The following SRPX2 variants were observed in gnomAD, a reference collection of about 807,000 sequenced individuals.
SRPX2 encodes the protein sushi repeat-containing protein SRPX2.
Under a neutral mutation model 45.3 loss-of-function variants are expected in SRPX2, and 26 were observed. The observed-to-expected ratio is 0.57, with a 90% confidence interval of 0.42 to 0.80. SRPX2 has a LOEUF of 0.80. Among genes scored for constraint, SRPX2 ranks in the 30% least tolerant of loss-of-function variants. The probability of loss-of-function intolerance (pLI) is 0.00; values close to 1 mark genes in which losing one functional copy is unlikely to be tolerated. For missense variants in SRPX2, 355 were observed against 399.8 expected (o/e 0.89, Z 0.95); for synonymous variants, 125 against 143.7 (o/e 0.87, Z 0.93).
In SRPX2 at chrX:100,674,123, T is replaced by G. The variant is rs1344561995; in HGVS notation, c.*3136T>G. ...ATTGAAGGATCCAGAAAGAAGTGCT[T>G]ATAGCAGGGAATGTCTCCCCTCACC... On this transcript the variant is annotated 3_prime_UTR_variant, in exon 11 of 11. Coordinates refer to ENST00000373004, the MANE Select transcript of SRPX2 (RefSeq NM_014467.3). 8.1e-5 allele frequency: 9 copies of G among 111,313 alleles called. No individual in the cohort carries two copies. Among genetic ancestry groups the G allele is most frequent in the Non-Finnish European group, 1.7e-4 (9 of 53,055 alleles). 9.2% of individuals were successfully genotyped at this position (111,313 alleles called of 1,213,427 possible).
At chrX:100,655,557 A>G (rs963728098) in intron 3 of SRPX2, among the ~76,000 whole-genome samples, 1 of 111,557 alleles carries the variant, frequency 9.0e-6, no homozygotes, top group Non-Finnish European at 1.9e-5. Context: ...AGTGGCAGAC[A>G]CTGCAATTAC....
intron 3 of SRPX2, among the ~76,000 whole-genome samples, chrX:100,659,189 T>C (rs2083179243): frequency 8.9e-6 from 1 of 112,125 alleles, no homozygotes. Context: ...TGTTTAAATA[T>C]TCTAGAACAC....
rs2083205433 is a variant in SRPX2, at chrX:100,666,682, C to G, written c.782-72C>G. ...AAGTCTTCTGATCTAGAAAGCCCAG[C>G]ATGGGCACCCTCTTAGCCTTTCCTT... On this transcript the variant is annotated intron_variant, in intron 7 of 10. Transcript: ENST00000373004. 10 of 1,180,281 alleles carry G rather than the reference C, an allele frequency of 8.5e-6. No homozygotes were observed. In the South Asian group the frequency reaches 1.8e-4, roughly 21 times the overall value.
intron 3 of SRPX2, among the ~76,000 whole-genome samples, chrX:100,659,298 G>A (rs17329105): frequency 0.085 from 9,469 of 111,669 alleles, 466 homozygotes; most frequent in East Asian, 0.26. Flanking sequence ...GCCTTTCAAC[G>A]TTTTTGTCTT....
chrX:100,650,329 TGAGGAC>T, intron 2 of SRPX2: 1 of 136,948 alleles, frequency 7.3e-6, no homozygotes, highest in Non-Finnish European at 1.5e-5. Flanking sequence ...TGTTTTTTTT[TGAGGAC>T]CATAAGCAGG....
At chrX:100,662,608 C>A (rs1168274529) in intron 4 of SRPX2, among the ~76,000 whole-genome samples, 1 of 111,926 alleles carries the variant, frequency 8.9e-6, no homozygotes, top group Non-Finnish European at 1.9e-5. Context: ...TCTCGGGGAG[C>A]CCAGGAGTGC....
At chrX:100,655,797 C>T (rs2083166686) in intron 3 of SRPX2, among the ~76,000 whole-genome samples, 1 of 108,992 alleles carries the variant, frequency 9.2e-6, no homozygotes, top group Admixed American at 9.8e-5. Context: ...TTACACACTT[C>T]CTACCAGACA....
At chrX:100,669,816 A>G (rs2096256) in intron 10 of SRPX2, among the ~76,000 whole-genome samples, 23,436 of 83,525 alleles carry the variant, frequency 0.28, 3,219 homozygotes, top group East Asian at 0.52. Flanking sequence ...CTTGTCGCCC[A>G]GGCTGGAGTG....
Position 100,671,013 on chromosome X carries a change from C to G in SRPX2, c.*26C>G. 8.4e-7 allele frequency: 1 copy of G among 1,193,138 alleles called. No individual in the cohort carries two copies. On this transcript the variant is annotated 3_prime_UTR_variant, in exon 11 of 11. Transcript: ENST00000373004. ...ACTTGAGCCAGGGCATGGTTAAAGTCAAGGGAAAAGCTCCTCTAGTTAGCT... is the reference window on the plus strand; with the variant it reads ...ACTTGAGCCAGGGCATGGTTAAAGTGAAGGGAAAAGCTCCTCTAGTTAGCT...
At chrX:100,648,277 T>C (rs1467695998) in intron 2 of SRPX2, among the ~76,000 whole-genome samples, 10 of 112,596 alleles carry the variant, frequency 8.9e-5, no homozygotes, top group Admixed American at 6.6e-4. Context: ...CAAGGATTAA[T>C]ATGAATCTTA....
At chrX:100,670,668 G>A (rs899719081) in intron 10 of SRPX2, 139 bp from the exon 11 acceptor site, 3 of 648,055 alleles carry the variant, frequency 4.6e-6, no homozygotes, top group Non-Finnish European at 7.4e-6. Context: ...GAGACAGGAA[G>A]TAGAGGGAAT....
At position 100,667,382 on chromosome X, in the gene SRPX2, A is replaced by G; in HGVS notation, c.1070A>G (p.Tyr357Cys). The change falls in exon 9 of 11, where the codon TAT becomes TGT. Residue 357 changes from tyrosine (Y) to cysteine (C), a missense_variant. Physicochemically the swap from Tyr to Cys is radical, Grantham distance 194. Transcript: ENST00000373004. ...ISAPDPSNRY[Y>C]KMQISMLQQS... Reference sequence around the variant, plus strand: ...GCTCCTGATCCTTCCAACCGATATTATAAAATGCAGATCTCTATGCTACAG... The same window carrying G: ...GCTCCTGATCCTTCCAACCGATATTGTAAAATGCAGATCTCTATGCTACAG... 1 of 1,211,824 alleles carries G rather than the reference A, an allele frequency of 8.3e-7. No homozygotes were observed. The highest frequency in any genetic ancestry group is 1.1e-6 in the Non-Finnish European group (1 of 895,546).
intron 3 of SRPX2, among the ~76,000 whole-genome samples, chrX:100,661,716 G>C (rs1306635911): frequency 2.7e-5 from 3 of 112,175 alleles, no homozygotes; most frequent in African/African-American, 9.7e-5. Context: ...CTTGCAGTGA[G>C]CTGAGATTAC....
Position 100,662,373 on chromosome X carries a change from T to C in SRPX2, c.355+6T>C, listed in dbSNP as rs771807980. On this transcript the variant is annotated splice_donor_region_variant and intron_variant, in intron 4 of 10. Coordinates refer to ENST00000373004, the MANE Select transcript of SRPX2 (RefSeq NM_014467.3). The stretch of plus-strand genomic sequence containing the variant: ...TGGAACTGCCTACTGCAGGCGTAAG[T>C]TGTGTGTGTGCATATGCTGATGTAT... The C allele has an allele frequency of 1.7e-6, 2 of 1,210,734 alleles. No homozygotes were observed. Among genetic ancestry groups the C allele is most frequent in the East Asian group, 5.9e-5 (2 of 33,847 alleles).
At chrX:100,660,733 C>T (rs774071781) in intron 3 of SRPX2, among the ~76,000 whole-genome samples, 1 of 110,771 alleles carries the variant, frequency 9.0e-6, no homozygotes, top group African/African-American at 3.3e-5. Flanking sequence ...CCCAGCTACT[C>T]GGGAGGCTGA....
intron 10 of SRPX2, 100 bp downstream of exon 10, chrX:100,669,469 A>G: frequency 1.3e-6 from 1 of 789,452 alleles, no homozygotes; most frequent in Non-Finnish European, 1.9e-6. Flanking sequence ...TGGGGAAACC[A>G]TCAGACACTA....
intron 9 of SRPX2, 82 bp from the exon 10 acceptor site, chrX:100,669,166 A>G (rs1602726342): frequency 1.7e-6 from 2 of 1,175,689 alleles, no homozygotes; most frequent in African/African-American, 1.8e-5. Flanking sequence ...ACTGCTTCAT[A>G]TGGTCCCAGG....
At chrX:100,651,005 C>T (rs2083151360) in intron 3 of SRPX2, 140 bp downstream of exon 3, 1 of 493,655 alleles carries the variant, frequency 2.0e-6, no homozygotes, top group South Asian at 3.0e-5. Context: ...GATTTCTCAT[C>T]ATGAACTTGG....
chrX:100,651,920 G>A (rs145234076), intron 3 of SRPX2, among the ~76,000 whole-genome samples: 142 of 111,747 alleles, frequency 1.3e-3, no homozygotes, highest in African/African-American at 4.4e-3. Context: ...AGTAATTCCT[G>A]CATTAAAAGG....
Sources: allele counts gnomAD v4.1 joint callset (sites outside exome capture counted in the v4.1 genomes callset), GRCh38; gene constraint gnomAD v4.1.1; transcripts MANE v1.5; gene names NCBI Gene and HGNC (gene_info 2026-07-23, HGNC 2026-07-21).